Variants in RGL3 observed in about 807,000 individuals in gnomAD.
RGL3 encodes ral guanine nucleotide dissociation stimulator-like 3.
Under a neutral mutation model 90.6 loss-of-function variants are expected in RGL3, and 85 were observed. The observed-to-expected ratio is 0.94, with a 90% CI of 0.79 to 1.12. The LOEUF (loss-of-function observed/expected upper bound fraction) is 1.12, where lower values mean the gene tolerates loss of function less well. RGL3 is among the 50% of genes most tolerant of loss of function. RGL3 has a pLI of 0.00. For missense variants in RGL3, 1,034 were observed against 939.2 expected (o/e 1.10, Z -1.32); for synonymous variants, 408 against 385.5 (o/e 1.06, Z -0.68).
chr19:11,417,600 T>G (rs138600529), intron 2 of RGL3, among the ~76,000 whole-genome samples: 1 of 150,540 alleles, frequency 6.6e-6, no homozygotes, highest in African/African-American at 2.4e-5. Flanking sequence ...CTCCCAAGTA[T>G]CTGGGATTAC....
rs1968526317 is a variant in RGL3 at position 11,394,321 on chromosome 19, A to G, written c.*81T>C. ...TGGGATACACAGCACAGTGGCCTCTACTGGGGGATGGCAGCTTTCCAGGAG... is the reference window on the plus strand; with the variant it reads ...TGGGATACACAGCACAGTGGCCTCTGCTGGGGGATGGCAGCTTTCCAGGAG... On this transcript the variant is annotated 3_prime_UTR_variant, in exon 19 of 19. Transcript: ENST00000380456. The G allele has an allele frequency of 3.8e-6, 4 of 1,048,476 alleles. No homozygotes were observed. Among genetic ancestry groups the G allele is most frequent in the African/African-American group, 1.6e-5 (1 of 63,960 alleles). The allele number at this position is 1,048,476 out of a possible 1,614,324, so 64.9% of individuals were successfully genotyped here. A position where few individuals can be genotyped will look rare whatever the true frequency, so the allele number is the denominator to read the frequency against.
intron 18 of RGL3, among the ~76,000 whole-genome samples, chr19:11,394,918 C>T (rs1250021530): frequency 4.0e-5 from 6 of 151,872 alleles, no homozygotes; most frequent in South Asian, 2.1e-4. Flanking sequence ...GGTGAAACCC[C>T]GTCTCTACTA....
intron 4 of RGL3, 179 bp from the exon 5 acceptor site, chr19:11,416,327 C>T (rs1968997024): frequency 1.6e-6 from 1 of 623,988 alleles, no homozygotes; most frequent in Non-Finnish European, 2.8e-6. Flanking sequence ...GCTGGGACTA[C>T]AGGCATGCGC....
intron 5 of RGL3, among the ~76,000 whole-genome samples, chr19:11,414,326 T>TATATACCTTC: frequency 1.7e-5 from 1 of 59,520 alleles, no homozygotes; most frequent in Non-Finnish European, 2.8e-5. Flanking sequence ...TATACCTTCA[T>TATATACCTTC]ATATATATAT....
At chr19:11,408,517 C>G (rs1335022266) in intron 5 of RGL3, among the ~76,000 whole-genome samples, 1 of 150,708 alleles carries the variant, frequency 6.6e-6, no homozygotes, top group African/African-American at 2.4e-5. Context: ...ACCCTGGAGA[C>G]GGAGCTTGCA....
chr19:11,399,824 G>T, intron 16 of RGL3, 31 bp downstream of exon 16: 1 of 1,268,866 alleles, frequency 7.9e-7, no homozygotes, highest in Non-Finnish European at 1.1e-6. Flanking sequence ...GTGCCCGCAG[G>T]CCCGCATGCA....
chr19:11,405,434 G>C lies in RGL3; in HGVS notation c.997-8C>G. The C allele has an allele frequency of 6.4e-7, 1 of 1,569,510 alleles. No individual in the cohort carries two copies. Among genetic ancestry groups the C allele is most frequent in the Non-Finnish European group, 8.6e-7 (1 of 1,157,346 alleles). ...CCGCAGTTCTCGGCAGCGCTGCCAG[G>C]CGGTGGGGACGCAGGTCAGACCCAG... On this transcript the variant is annotated splice_polypyrimidine_tract_variant and splice_region_variant and intron_variant, in intron 7 of 18. Coordinates refer to ENST00000380456, the MANE Select transcript of RGL3 (RefSeq NM_001035223.4).
Position 11,397,287 on chromosome 19 carries a change from C to T in RGL3, c.1971G>A (p.Trp657Ter). ...ALQKHNVPQPWACDYQLFQVL... is the reference protein window; with the variant it reads ...ALQKHNVPQP ...CTTGAAAGAGCTGATAGTCACAGGC[C>T]CAGGGCTGGGGCACATTGTGCTTCT... The change falls in exon 18 of 19, where the codon TGG becomes TGA. Residue 657 changes from tryptophan to a stop codon, truncating the protein, a stop_gained. Coordinates refer to ENST00000380456, the MANE Select transcript of RGL3 (RefSeq NM_001035223.4). LOFTEE classifies it low-confidence loss of function (END_TRUNC). The T allele has an allele frequency of 6.2e-7, 1 of 1,613,712 alleles. No homozygotes were observed. Among genetic ancestry groups the T allele is most frequent in the Non-Finnish European group, 8.5e-7 (1 of 1,179,860 alleles).
intron 5 of RGL3, among the ~76,000 whole-genome samples, 160 bp downstream of exon 5, chr19:11,415,777 A>G (rs1182315639): frequency 6.6e-6 from 1 of 151,954 alleles, no homozygotes; most frequent in African/African-American, 2.4e-5. Flanking sequence ...CCCGGCTGAC[A>G]AAGAATTATT....
chr19:11,405,686 CTTA>C (rs921856063), intron 7 of RGL3, among the ~76,000 whole-genome samples: 3 of 147,946 alleles, frequency 2.0e-5, no homozygotes, highest in Non-Finnish European at 4.5e-5. Context: ...TCATGCATGG[CTTA>C]TTATTATTAT....
Position 11,397,587 on chromosome 19 carries a change from C to T in RGL3, c.1757G>A (p.Ser586Asn), listed in dbSNP as rs761507731. The T allele has an allele frequency of 6.4e-7, 1 of 1,563,210 alleles. No homozygotes were observed. The highest frequency in any genetic ancestry group is 8.7e-7 in the Non-Finnish European group (1 of 1,152,754). ...GGGCCGGGGGCTGGGCAGGTCCAGG[C>T]TCAGGGGCAGCTGCAGGCAGTAAGG... Reference protein sequence around the residue: ...PQGPSTKLPLSLDLPSPRPFA... With the variant: ...PQGPSTKLPLNLDLPSPRPFA... Residue 586 changes from serine (S) to asparagine (N), a missense_variant, in exon 17 of 19, where the codon AGC (serine) becomes AAC (asparagine). Physicochemically the swap from Ser to Asn is conservative, Grantham distance 46 (BLOSUM62 1). Transcript: ENST00000380456.
At chr19:11,410,139 A>T (rs1411781719) in intron 5 of RGL3, among the ~76,000 whole-genome samples, 1 of 149,200 alleles carries the variant, frequency 6.7e-6, no homozygotes, top group Non-Finnish European at 1.5e-5. Flanking sequence ...TTTATTATTT[A>T]TTTATTTTTT....
intron 9 of RGL3, among the ~76,000 whole-genome samples, chr19:11,403,704 T>C (rs993561558): frequency 3.4e-5 from 5 of 147,560 alleles, no homozygotes; most frequent in African/African-American, 5.0e-5. Context: ...CCAGACCACC[T>C]TGGATGAGGG....
At chr19:11,405,686 C>T (rs1038964647) in intron 7 of RGL3, among the ~76,000 whole-genome samples, 3 of 148,038 alleles carry the variant, frequency 2.0e-5, no homozygotes, top group African/African-American at 7.4e-5. Context: ...TCATGCATGG[C>T]TTATTATTAT....
chr19:11,394,233 T>C lies in RGL3; in HGVS notation c.*169A>G. 2 of 640,690 alleles carry C rather than the reference T, an allele frequency of 3.1e-6. No homozygotes were observed. 39.7% of individuals were successfully genotyped at this position (640,690 alleles called of 1,614,324 possible). ...TGGGCTGATGTCTTTGGAATATGGA[T>C]CTAGTACCAACAGAGTCAGAAAAAG... On this transcript the variant is annotated 3_prime_UTR_variant, in exon 19 of 19. Transcript: ENST00000380456.
intron 5 of RGL3, 70 bp downstream of exon 5, chr19:11,415,867 A>G: frequency 7.4e-7 from 1 of 1,354,254 alleles, no homozygotes; most frequent in Non-Finnish European, 1.0e-6. Context: ...GAGGGGAGAG[A>G]AAGCCTGTGT....
In RGL3 at chr19:11,394,451, A is replaced by G; in HGVS notation, c.2084T>C (p.Leu695Pro). Residue 695 changes from leucine to proline, a missense_variant, in exon 19 of 19, where the codon CTG becomes CCG. Coordinates refer to ENST00000380456, the MANE Select transcript of RGL3 (RefSeq NM_001035223.4). ...MSPVAPRDFM[L>P]RRKEGTRNTL... ...GTTCCGGGTCCCCTCTTTCCGCCGC[A>G]GCATGAAGTCTCTGGGGGCGACTGG... is the stretch of plus-strand genomic sequence containing the variant. 6.2e-7 allele frequency: 1 copy of G among 1,613,818 alleles called. No homozygotes were observed. Among genetic ancestry groups the G allele is most frequent in the South Asian group, 1.1e-5 (1 of 91,028 alleles).
chr19:11,413,861 A>T (rs895886542), intron 5 of RGL3, among the ~76,000 whole-genome samples: 1 of 147,968 alleles, frequency 6.8e-6, no homozygotes, highest in African/African-American at 2.5e-5. Context: ...CTCCTGCCTC[A>T]GCCTCCCGAG....
At chr19:11,401,719 T>C (rs1488933201) in intron 13 of RGL3, among the ~76,000 whole-genome samples, 1 of 151,918 alleles carries the variant, frequency 6.6e-6, no homozygotes, top group Non-Finnish European at 1.5e-5. Context: ...CTAATTTTTG[T>C]ATTTTTTTGT....
Sources: gnomAD v4.1 joint callset for allele counts (sites outside exome capture counted in the v4.1 genomes callset) on GRCh38, gnomAD v4.1.1 for gene constraint, MANE v1.5 for transcripts, NCBI Gene and HGNC (gene_info 2026-07-23, HGNC 2026-07-21) for gene names.